The following DCAF8L2 variants were observed in gnomAD, a reference collection of about 807,000 sequenced individuals.
DCAF8L2 encodes DDB1 and CUL4 associated factor 8 like 2.
For synonymous variants in DCAF8L2, 200 were observed against 190.9 expected (o/e 1.05, Z -0.39); for missense variants, 430 against 490.7 (o/e 0.88, Z 1.17).
At chrX:27,714,248 C>T (rs1390690154) in intron 3 of DCAF8L2, among the ~76,000 whole-genome samples, 1 of 111,680 alleles carries the variant, frequency 9.0e-6, no homozygotes, top group Non-Finnish European at 1.9e-5. Context: ...TCTCAAATAA[C>T]ACTAATTCTG....
intron 1 of DCAF8L2, among the ~76,000 whole-genome samples, chrX:27,603,775 G>A (rs901894578): frequency 8.9e-6 from 1 of 111,837 alleles, no homozygotes; most frequent in Non-Finnish European, 1.9e-5. Flanking sequence ...TGTGTTATCA[G>A]TTGGGGACTT....
the DCAF8L2 span, among the ~76,000 whole-genome samples, chrX:27,497,509 T>TTTCTTTCCTTCCTTCCTTCCTTCCTTCC: frequency 1.7e-4 from 8 of 46,502 alleles, no homozygotes; most frequent in East Asian, 9.3e-4. Flanking sequence ...TCTTTCTTTC[T>TTTCTTTCCTTCCTTCCTTCCTTCCTTCC]TTCCTTCCTT....
At chrX:27,617,040 G>A (rs1927514174) in intron 1 of DCAF8L2, among the ~76,000 whole-genome samples, 1 of 111,302 alleles carries the variant, frequency 9.0e-6, no homozygotes, top group African/African-American at 3.3e-5. Context: ...CAACAAATCT[G>A]GAGGGTTCTT....
chrX:27,744,471 C>T (rs1922053867), intron 4 of DCAF8L2, among the ~76,000 whole-genome samples: 1 of 111,656 alleles, frequency 9.0e-6, no homozygotes, highest in Admixed American at 9.6e-5. Context: ...ACTGTACAAT[C>T]AATAAAATTC....
intron 1 of DCAF8L2, among the ~76,000 whole-genome samples, chrX:27,622,466 C>T (rs773208120): frequency 9.0e-6 from 1 of 110,657 alleles, no homozygotes; most frequent in African/African-American, 3.3e-5. Context: ...AAAAGAACAT[C>T]ATTAGCATCA....
chrX:27,676,539 A>G (rs1930145358), intron 2 of DCAF8L2, among the ~76,000 whole-genome samples: 1 of 111,117 alleles, frequency 9.0e-6, no homozygotes, highest in South Asian at 3.9e-4. Flanking sequence ...CAAAACAGTG[A>G]ATAAGACATC....
chrX:27,705,567 T>A (rs891532864), intron 3 of DCAF8L2, among the ~76,000 whole-genome samples: 3 of 111,783 alleles, frequency 2.7e-5, no homozygotes, highest in Admixed American at 9.5e-5. Flanking sequence ...TTTTTTCATA[T>A]GCTTGTTGGC....
chrX:27,547,845 T>C, the DCAF8L2 span, among the ~76,000 whole-genome samples: 1,763 of 45,113 alleles, frequency 0.039, 15 homozygotes, highest in African/African-American at 0.062. Flanking sequence ...CTCTCTCTCT[T>C]TCTCTCTCTC....
chrX:27,746,822 C>A lies in DCAF8L2; in HGVS notation c.-58-16C>A. The A allele has an allele frequency of 9.5e-7, 1 of 1,049,487 alleles. No individual in the cohort carries two copies. Among genetic ancestry groups the A allele is most frequent in the Non-Finnish European group, 1.3e-6 (1 of 786,156 alleles). 86.5% of individuals were successfully genotyped at this position (1,049,487 alleles called of 1,213,427 possible). ...CACTACCATCAGTCCTAACCGCAGGCCAACTTTCTTCCCAGAGCTTTTAGG... is the reference window on the plus strand; with the variant it reads ...CACTACCATCAGTCCTAACCGCAGGACAACTTTCTTCCCAGAGCTTTTAGG... On this transcript the variant is annotated splice_polypyrimidine_tract_variant and intron_variant, in intron 4 of 4. Transcript: ENST00000451261.
At chrX:27,613,265 G>A (rs1315916651) in intron 1 of DCAF8L2, among the ~76,000 whole-genome samples, 3 of 111,325 alleles carry the variant, frequency 2.7e-5, no homozygotes, top group Non-Finnish European at 5.6e-5. Flanking sequence ...TGTTATTGGT[G>A]TATAGGAATG....
At chrX:27,675,171 A>C (rs957518105) in intron 2 of DCAF8L2, among the ~76,000 whole-genome samples, 2 of 111,506 alleles carry the variant, frequency 1.8e-5, no homozygotes, top group African/African-American at 6.5e-5. Context: ...TGAAATATCC[A>C]AAACACTCTC....
At chrX:27,493,706 CAAAAAA>C in the DCAF8L2 span, among the ~76,000 whole-genome samples, 1 of 18,395 alleles carries the variant, frequency 5.4e-5, no homozygotes, top group Non-Finnish European at 1.3e-4. Flanking sequence ...AACTCCATCT[CAAAAAA>C]AAAAAAAAAA....
chrX:27,491,251 T>A, the DCAF8L2 span, among the ~76,000 whole-genome samples: 4 of 112,725 alleles, frequency 3.5e-5, no homozygotes, highest in Non-Finnish European at 7.5e-5. Context: ...GATACTTTCC[T>A]CCATTTTGTT....
chrX:27,496,495 T>C, the DCAF8L2 span, among the ~76,000 whole-genome samples: 2 of 111,864 alleles, frequency 1.8e-5, no homozygotes, highest in African/African-American at 6.5e-5. Context: ...AGGGAATTCA[T>C]GTCATATGTG....
intron 3 of DCAF8L2, among the ~76,000 whole-genome samples, chrX:27,687,574 C>T (rs972032635): frequency 2.7e-5 from 3 of 112,108 alleles, no homozygotes; most frequent in African/African-American, 9.7e-5. Flanking sequence ...GAAATCAGGG[C>T]TGGGCACAGT....
intron 2 of DCAF8L2, among the ~76,000 whole-genome samples, chrX:27,662,329 T>C (rs1260117552): frequency 2.7e-5 from 3 of 111,402 alleles, no homozygotes; most frequent in African/African-American, 9.8e-5. Context: ...TTAGGAAGAA[T>C]ATATATGCAC....
At chrX:27,579,684 T>A in the DCAF8L2 span, among the ~76,000 whole-genome samples, 1 of 99,740 alleles carries the variant, frequency 1.0e-5, no homozygotes, top group African/African-American at 3.9e-5. Context: ...ACAGACTGAA[T>A]ACCCAAAGTA....
the DCAF8L2 span, among the ~76,000 whole-genome samples, chrX:27,568,402 A>G: frequency 8.9e-6 from 1 of 111,749 alleles, no homozygotes; most frequent in Non-Finnish European, 1.9e-5. Flanking sequence ...GCCTGAAAGC[A>G]TGACATGAAT....
the DCAF8L2 span, among the ~76,000 whole-genome samples, chrX:27,570,949 A>G: frequency 9.1e-6 from 1 of 110,189 alleles, no homozygotes; most frequent in Non-Finnish European, 1.9e-5. Context: ...ACCCAATAAA[A>G]CCTCTTTTGC....
Sources: allele counts gnomAD v4.1 joint callset (sites outside exome capture counted in the v4.1 genomes callset), GRCh38; gene constraint gnomAD v4.1.1; transcripts MANE v1.5; gene names NCBI Gene and HGNC (gene_info 2026-07-23, HGNC 2026-07-21).